Variants in PCDHGA3 observed in about 807,000 individuals in gnomAD.
PCDHGA3 encodes protocadherin gamma subfamily A, 3, also known as protocadherin gamma-A3.
A neutral mutation model predicts 58.5 loss-of-function variants in PCDHGA3; 40 were observed. The observed-to-expected ratio is 0.68, with a 90% confidence interval of 0.53 to 0.89. The LOEUF (loss-of-function observed/expected upper bound fraction) is 0.89. Among genes scored for constraint, PCDHGA3 ranks in the 40% least tolerant of loss-of-function variants. PCDHGA3 has a pLI of 0.00. For synonymous variants in PCDHGA3, 530 were observed against 525.7 expected (o/e 1.01, Z -0.11); for missense variants, 1,223 against 1,195.9 (o/e 1.02, Z -0.33).
intron 2 of PCDHGA3, among the ~76,000 whole-genome samples, chr5:141,501,166 C>T (rs1443045812): frequency 6.6e-6 from 1 of 152,154 alleles, no homozygotes; most frequent in African/African-American, 2.4e-5. Flanking sequence ...CATCCCCAGC[C>T]TCATTTACAT....
chr5:141,444,008 A>G (rs2098413646), intron 1 of PCDHGA3, among the ~76,000 whole-genome samples: 2 of 152,140 alleles, frequency 1.3e-5, no homozygotes, highest in Non-Finnish European at 2.9e-5. Context: ...CTACCTGGGT[A>G]TTGGCTTCTA....
chr5:141,352,473 A>G (rs772507861), intron 1 of PCDHGA3: 5 of 1,613,888 alleles, frequency 3.1e-6, no homozygotes, highest in East Asian at 2.2e-5. Context: ...GTTCCTCCCA[A>G]CCACAGCGAG....
At position 141,356,229 on chromosome 5, in the gene PCDHGA3, C is replaced by T. The variant is rs371768602; in HGVS notation, c.2424+9772C>T. 114 of 1,593,544 alleles carry T rather than the reference C, an allele frequency of 7.2e-5. No individual in the cohort carries two copies. The African/African-American group carries it at 8.8e-4, about 12-fold the overall frequency. ...TGACAGTTCTGGATGAAAATGACAA[C>T]GCACCAGAAGTCACAGTTACATCTC... On this transcript the variant is annotated intron_variant, in intron 1 of 3. Transcript: ENST00000253812.
At chr5:141,364,601 G>C in intron 1 of PCDHGA3, 1 of 1,614,194 alleles carries the variant, frequency 6.2e-7, no homozygotes, top group Non-Finnish European at 8.5e-7. Context: ...GGGCAGGATA[G>C]ACCGGGAGGA....
At chr5:141,351,833 G>A in intron 1 of PCDHGA3, 2 of 1,613,230 alleles carry the variant, frequency 1.2e-6, no homozygotes, top group Non-Finnish European at 1.7e-6. Flanking sequence ...GCGCGCCTTC[G>A]AGCTCACACT....
chr5:141,444,545 CA>C (rs1264288836), intron 1 of PCDHGA3, among the ~76,000 whole-genome samples: 7 of 152,042 alleles, frequency 4.6e-5, no homozygotes, highest in Admixed American at 6.6e-5. Flanking sequence ...GTCTAGTGAG[CA>C]AAAGGCACTT....
chr5:141,349,659 G>A (rs942045169), intron 1 of PCDHGA3, among the ~76,000 whole-genome samples: 4 of 151,804 alleles, frequency 2.6e-5, no homozygotes, highest in African/African-American at 9.7e-5. Flanking sequence ...ACTAGATAAG[G>A]GAGCTTATTC....
chr5:141,420,075 G>A (rs893749179), intron 1 of PCDHGA3: 17 of 1,613,944 alleles, frequency 1.1e-5, no homozygotes, highest in Admixed American at 6.7e-5. Context: ...GGACCTGTGG[G>A]TCCCCCCAAC....
intron 1 of PCDHGA3, among the ~76,000 whole-genome samples, chr5:141,442,609 TA>T (rs1238913928): frequency 6.6e-6 from 1 of 152,112 alleles, no homozygotes; most frequent in African/African-American, 2.4e-5. Flanking sequence ...GAGATCTCAG[TA>T]AAAAGCATTT....
intron 1 of PCDHGA3, chr5:141,426,732 C>T (rs576525011): frequency 2.7e-4 from 123 of 448,642 alleles, no homozygotes; most frequent in African/African-American, 2.2e-3. Context: ...TCCAGGCATT[C>T]GGTTTGGCCT....
At position 141,512,765 on chromosome 5, in the gene PCDHGA3, G is replaced by C. The variant is rs988707269; in HGVS notation, c.*1592G>C. 1 of 152,668 alleles carries C rather than the reference G, an allele frequency of 6.6e-6. No individual in the cohort carries two copies. The highest frequency in any genetic ancestry group is 1.5e-5 in the Non-Finnish European group (1 of 68,460). The allele number at this position is 152,668 out of a possible 1,614,324, so 9.5% of individuals were successfully genotyped here. On this transcript the variant is annotated 3_prime_UTR_variant, in exon 4 of 4. Transcript: ENST00000253812. ...CCGCGCAGCCGTCTGTCCTTGATCT[G>C]CCCGCGGCGGCCCGTGTTGTGTTTT...
intron 1 of PCDHGA3, among the ~76,000 whole-genome samples, chr5:141,368,366 C>CAT (rs1765610966): frequency 6.6e-6 from 1 of 151,978 alleles, no homozygotes; most frequent in African/African-American, 2.4e-5. Context: ...TATATACACA[C>CAT]ATATATATAC....
intron 1 of PCDHGA3, among the ~76,000 whole-genome samples, chr5:141,482,079 C>A (rs2099551704): frequency 8.4e-6 from 1 of 119,308 alleles, no homozygotes; most frequent in African/African-American, 3.8e-5. Context: ...GAACAAAACT[C>A]ACTCCATCTC....
At chr5:141,405,018 T>C (rs1413977666) in intron 1 of PCDHGA3, 5 of 1,613,834 alleles carry the variant, frequency 3.1e-6, no homozygotes, top group African/African-American at 2.7e-5. Context: ...GCCTCAGACC[T>C]TACCCTCTAC....
At chr5:141,433,272 C>A in intron 1 of PCDHGA3, 1 of 1,252,410 alleles carries the variant, frequency 8.0e-7, no homozygotes, top group Non-Finnish European at 1.1e-6. Context: ...TAGCTCACTG[C>A]AGCCTCAAAC....
chr5:141,433,397 A>ATCTG (rs1179042498), intron 1 of PCDHGA3, among the ~76,000 whole-genome samples: 9 of 150,410 alleles, frequency 6.0e-5, no homozygotes, highest in Non-Finnish European at 1.0e-4. Context: ...CTATCTATCT[A>ATCTG]TCTATCTATT....
chr5:141,427,150 T>C (rs570999921), intron 1 of PCDHGA3: 6 of 456,866 alleles, frequency 1.3e-5, no homozygotes, highest in African/African-American at 4.0e-5. Flanking sequence ...ATTGGAAATA[T>C]GTTTGTGCTA....
At chr5:141,361,861 G>C (rs1429521367) in intron 1 of PCDHGA3, 1 of 1,611,994 alleles carries the variant, frequency 6.2e-7, no homozygotes, top group Non-Finnish European at 8.5e-7. Context: ...CGCCCTCTTC[G>C]ATATGGTGCC....
intron 1 of PCDHGA3, chr5:141,391,631 G>C (rs913626630): frequency 6.6e-6 from 1 of 152,170 alleles, no homozygotes; most frequent in African/African-American, 2.4e-5. Flanking sequence ...GAAAGTTTTA[G>C]TCAGTGAAAA....
Sources: allele counts gnomAD v4.1 joint callset (sites outside exome capture counted in the v4.1 genomes callset), GRCh38; gene constraint gnomAD v4.1.1; transcripts MANE v1.5; gene names NCBI Gene and HGNC (gene_info 2026-07-23, HGNC 2026-07-21).